Variants in RAD51B observed in about 807,000 individuals in gnomAD.
The protein encoded by RAD51B is DNA repair protein RAD51 homolog 2.
Under a neutral mutation model 42.2 loss-of-function variants are expected in RAD51B, and 38 were observed. The observed-to-expected ratio is 0.90, with a 90% CI of 0.70 to 1.18. The LOEUF is 1.18. RAD51B is among the 50% of genes most tolerant of loss of function. RAD51B has a pLI of 0.00. For synonymous variants in RAD51B, 154 were observed against 145.2 expected (o/e 1.06, Z -0.43); for missense variants, 373 against 400.7 (o/e 0.93, Z 0.59).
chr14:68,516,028 G>T (rs1305226598), intron 10 of RAD51B, among the ~76,000 whole-genome samples: 1 of 151,570 alleles, frequency 6.6e-6, no homozygotes, highest in Non-Finnish European at 1.5e-5. Flanking sequence ...CTTGTGGTCC[G>T]CCCACCTCGG....
intron 9 of RAD51B, among the ~76,000 whole-genome samples, chr14:68,435,492 GTTTTTTT>G (rs35536205): frequency 7.8e-6 from 1 of 128,150 alleles, no homozygotes; most frequent in African/African-American, 2.8e-5. Context: ...GTGGTTTTTG[GTTTTTTT>G]TTTTTTTTTT....
intron 10 of RAD51B, among the ~76,000 whole-genome samples, chr14:68,578,936 G>A (rs144634294): frequency 1.4e-3 from 220 of 152,334 alleles, no homozygotes; most frequent in African/African-American, 5.0e-3. Context: ...AGCTCACTGT[G>A]TGGACCTGGA....
chr14:68,277,302 C>A (rs956855880), intron 7 of RAD51B, among the ~76,000 whole-genome samples: 6 of 152,182 alleles, frequency 3.9e-5, no homozygotes, highest in Non-Finnish European at 8.8e-5. Context: ...AAAGGAGAAG[C>A]CAAGATCCAG....
At chr14:68,358,926 C>T (rs1248168342) in intron 8 of RAD51B, among the ~76,000 whole-genome samples, 1 of 152,130 alleles carries the variant, frequency 6.6e-6, no homozygotes, top group Non-Finnish European at 1.5e-5. Context: ...TTATTGGAGA[C>T]ATGTAATCCT....
intron 8 of RAD51B, among the ~76,000 whole-genome samples, chr14:68,307,388 A>G (rs548512353): frequency 1.5e-4 from 23 of 152,340 alleles, no homozygotes; most frequent in African/African-American, 5.3e-4. Context: ...AGAGCACACA[A>G]TGGAGCATAT....
Position 68,250,360 on chromosome 14 carries a change from G to A in RAD51B, c.757-41524G>A, listed in dbSNP as rs2080597895. On this transcript the variant is annotated intron_variant, in intron 7 of 10. Transcript: ENST00000471583. ...GCTATGCTTTTAAGTTTCTGGAATA[G>A]AATGATGGTAAAAATGAGTCATGGC... 2.0e-5 allele frequency among the ~76,000 whole-genome samples: 3 copies of A among 152,318 alleles called. No homozygotes were observed. The East Asian group carries it at 5.8e-4, about 29-fold the overall frequency.
At chr14:68,227,981 G>C (rs1398683286) in intron 7 of RAD51B, among the ~76,000 whole-genome samples, 2 of 152,082 alleles carry the variant, frequency 1.3e-5, no homozygotes, top group Non-Finnish European at 2.9e-5. Context: ...CTCTGTGTTA[G>C]CACTGTGCTA....
At chr14:68,308,211 C>T (rs1333251269) in intron 8 of RAD51B, among the ~76,000 whole-genome samples, 2 of 152,170 alleles carry the variant, frequency 1.3e-5, no homozygotes, top group African/African-American at 2.4e-5. Context: ...ACATTTTGCA[C>T]ATCAGAATTC....
chr14:68,285,366 C>T (rs1186903707), intron 7 of RAD51B, among the ~76,000 whole-genome samples: 1 of 152,152 alleles, frequency 6.6e-6, no homozygotes, highest in Non-Finnish European at 1.5e-5. Context: ...TAAAGCTGTG[C>T]CTTAAGCAGA....
chr14:68,529,250 G>T (rs1302989394), intron 10 of RAD51B, among the ~76,000 whole-genome samples: 1 of 152,226 alleles, frequency 6.6e-6, no homozygotes, highest in Admixed American at 6.5e-5. Context: ...AGGCTGGAGT[G>T]CAGTGGCACA....
At chr14:68,401,881 A>G (rs1050489722) in intron 8 of RAD51B, among the ~76,000 whole-genome samples, 2 of 152,244 alleles carry the variant, frequency 1.3e-5, no homozygotes, top group Non-Finnish European at 2.9e-5. Context: ...AAATGGTAGC[A>G]CAAATACTGC....
chr14:68,384,786 T>G (rs779586926), intron 8 of RAD51B, among the ~76,000 whole-genome samples: 1 of 152,184 alleles, frequency 6.6e-6, no homozygotes, highest in African/African-American at 2.4e-5. Context: ...AAATGTAAAA[T>G]AACAAGAATT....
At chr14:67,986,803 C>A (rs1286214981) in intron 7 of RAD51B, among the ~76,000 whole-genome samples, 1 of 152,182 alleles carries the variant, frequency 6.6e-6, no homozygotes, top group Non-Finnish European at 1.5e-5. Flanking sequence ...GTGATCTCGA[C>A]TCACTACAAC....
intron 4 of RAD51B, among the ~76,000 whole-genome samples, chr14:67,855,123 C>T (rs1278408758): frequency 2.6e-5 from 4 of 152,192 alleles, no homozygotes; most frequent in African/African-American, 9.6e-5. Context: ...TGGTCTCGAT[C>T]TCCTGACCTC....
At chr14:68,085,814 G>A (rs550995971) in intron 7 of RAD51B, among the ~76,000 whole-genome samples, 2 of 152,296 alleles carry the variant, frequency 1.3e-5, no homozygotes, top group Middle Eastern at 3.4e-3. Context: ...CCCCCTTGCA[G>A]GGCGTGCCAC....
intron 7 of RAD51B, among the ~76,000 whole-genome samples, chr14:68,087,579 C>T (rs963871047): frequency 1.3e-5 from 2 of 151,410 alleles, no homozygotes; most frequent in African/African-American, 4.9e-5. Context: ...AAAGAAAGTT[C>T]GCTGTGGAAC....
At chr14:68,044,059 G>GT (rs778328859) in intron 7 of RAD51B, among the ~76,000 whole-genome samples, 6 of 152,180 alleles carry the variant, frequency 3.9e-5, no homozygotes, top group Admixed American at 6.5e-5. Context: ...ACAAAAACAG[G>GT]TTTTTTCTTG....
chr14:68,405,821 T>G (rs2084256402), intron 8 of RAD51B, among the ~76,000 whole-genome samples: 1 of 143,944 alleles, frequency 6.9e-6, no homozygotes, highest in African/African-American at 2.6e-5. Context: ...ACTCCTACAG[T>G]TTATCACCAA....
At chr14:68,452,965 C>G (rs148925587) in intron 9 of RAD51B, among the ~76,000 whole-genome samples, 143 of 152,084 alleles carry the variant, frequency 9.4e-4, no homozygotes, top group African/African-American at 3.2e-3. Flanking sequence ...TTTTTAGCCC[C>G]CTATAACCAT....
Sources: gnomAD v4.1 joint callset for allele counts (sites outside exome capture counted in the v4.1 genomes callset) on GRCh38, gnomAD v4.1.1 for gene constraint, MANE v1.5 for transcripts, NCBI Gene and HGNC (gene_info 2026-07-23, HGNC 2026-07-21) for gene names.